The following HS6ST3 variants were observed in gnomAD, a reference collection of about 807,000 sequenced individuals.
The protein encoded by HS6ST3 is heparan-sulfate 6-O-sulfotransferase 3.
In HS6ST3, 12 loss-of-function variants were observed where a neutral mutation model predicts 36.7. The observed-to-expected ratio is 0.33, with a 90% CI of 0.21 to 0.53. The LOEUF (loss-of-function observed/expected upper bound fraction) is 0.53, where lower values mean the gene tolerates loss of function less well. Ranked by LOEUF, HS6ST3 falls within the 20% of genes least tolerant of loss-of-function variation. The pLI, the probability that HS6ST3 is intolerant of heterozygous loss-of-function variation, is 0.95. For missense variants in HS6ST3, 584 were observed against 640.9 expected (o/e 0.91, Z 0.96); for synonymous variants, 240 against 257.5 (o/e 0.93, Z 0.65).
chr13:96,193,541 C>A (rs1200130118), intron 1 of HS6ST3, among the ~76,000 whole-genome samples: 1 of 152,026 alleles, frequency 6.6e-6, no homozygotes, highest in Non-Finnish European at 1.5e-5. Context: ...AGACAGCGAT[C>A]AATTTAAACA....
At chr13:96,397,854 T>TTATGAGG (rs77569813) in intron 1 of HS6ST3, among the ~76,000 whole-genome samples, 76,698 of 151,636 alleles carry the variant, frequency 0.51, 19,690 homozygotes, top group Middle Eastern at 0.6. Flanking sequence ...CACAACAACC[T>TTATGAGG]TATCTAGACC....
At chr13:96,816,203 G>A (rs1438983804) in intron 1 of HS6ST3, among the ~76,000 whole-genome samples, 1 of 152,194 alleles carries the variant, frequency 6.6e-6, no homozygotes, top group East Asian at 1.9e-4. Context: ...TGGAAGGCCA[G>A]ACCTGAAAAC....
intron 1 of HS6ST3, among the ~76,000 whole-genome samples, chr13:96,463,154 A>G (rs1368057299): frequency 6.6e-6 from 1 of 152,172 alleles, no homozygotes; most frequent in East Asian, 1.9e-4. Flanking sequence ...GATTTATTTG[A>G]AAAAAGAAAG....
At chr13:96,517,219 A>T (rs1298239720) in intron 1 of HS6ST3, among the ~76,000 whole-genome samples, 3 of 7,342 alleles carry the variant, frequency 4.1e-4, no homozygotes, top group Admixed American at 3.8e-3. Context: ...GTTCCTATTT[A>T]AAAAAAAAAA....
At chr13:96,680,068 C>G (rs2056712972) in intron 1 of HS6ST3, among the ~76,000 whole-genome samples, 1 of 152,122 alleles carries the variant, frequency 6.6e-6, no homozygotes, top group Non-Finnish European at 1.5e-5. Context: ...CCCATCCATC[C>G]AAGACAGGTT....
At position 96,834,094 on chromosome 13, in the gene HS6ST3, T is replaced by C. The variant is rs1403333577; in HGVS notation, c.*896T>C. Reference sequence around the variant, plus strand: ...TCTAAACTGGCCACATAACCTTAGATTTTTAAAGGAATATTTCAGAGTTTA... The same window carrying C: ...TCTAAACTGGCCACATAACCTTAGACTTTTAAAGGAATATTTCAGAGTTTA... On this transcript the variant is annotated 3_prime_UTR_variant, in exon 2 of 2. Coordinates refer to ENST00000376705, the MANE Select transcript of HS6ST3 (RefSeq NM_153456.4). The C allele has an allele frequency of 1.3e-5, 2 of 152,224 alleles. No homozygotes were observed. The highest frequency in any genetic ancestry group is 4.8e-5 in the African/African-American group (2 of 41,444). 9.4% of individuals were successfully genotyped at this position (152,224 alleles called of 1,614,324 possible). A position where few individuals can be genotyped will look rare whatever the true frequency, so the allele number is the denominator to read the frequency against.
At chr13:96,812,469 C>T (rs1878336762) in intron 1 of HS6ST3, among the ~76,000 whole-genome samples, 1 of 152,148 alleles carries the variant, frequency 6.6e-6, no homozygotes, top group Non-Finnish European at 1.5e-5. Flanking sequence ...TATAAAAACA[C>T]ACCAATGTAG....
intron 1 of HS6ST3, among the ~76,000 whole-genome samples, chr13:96,108,015 G>A (rs374528555): frequency 2.0e-4 from 30 of 152,196 alleles, no homozygotes; most frequent in African/African-American, 7.2e-4. Flanking sequence ...TAACAGCAAT[G>A]TTCAGGGAAC....
chr13:96,253,214 G>A (rs1207766338), intron 1 of HS6ST3, among the ~76,000 whole-genome samples: 1 of 152,034 alleles, frequency 6.6e-6, no homozygotes, highest in Non-Finnish European at 1.5e-5. Flanking sequence ...GAGAACTGCA[G>A]GCCAGTTGCT....
In HS6ST3 at chr13:96,120,777, A is replaced by G. The variant is rs114480565; in HGVS notation, c.707+29208A>G. ...ATTTCTGTGTATGGAGCTTGGCAGAACCGTTATCCGCTCTGACATACAAGA... is the reference window on the plus strand; with the variant it reads ...ATTTCTGTGTATGGAGCTTGGCAGAGCCGTTATCCGCTCTGACATACAAGA... On this transcript the variant is annotated intron_variant, in intron 1 of 1. Transcript: ENST00000376705. Among the ~76,000 whole-genome samples the G allele has an allele frequency of 9.3e-3, 1,412 of 152,316 alleles. 26 individuals are homozygous for G. Among genetic ancestry groups the G allele is most frequent in the African/African-American group, 0.033 (1,354 of 41,560 alleles).
intron 1 of HS6ST3, among the ~76,000 whole-genome samples, chr13:96,360,776 G>A (rs540077147): frequency 4.6e-5 from 7 of 151,810 alleles, no homozygotes; most frequent in South Asian, 4.2e-4. Context: ...GTGAAACCTC[G>A]TCTCTACTAA....
chr13:96,653,309 A>C (rs967636668), intron 1 of HS6ST3, among the ~76,000 whole-genome samples: 3 of 151,992 alleles, frequency 2.0e-5, no homozygotes, highest in African/African-American at 7.2e-5. Context: ...TGTTGCACTT[A>C]TCAACCCGTC....
At chr13:96,578,808 C>G (rs1441106079) in intron 1 of HS6ST3, among the ~76,000 whole-genome samples, 1 of 152,096 alleles carries the variant, frequency 6.6e-6, no homozygotes, top group African/African-American at 2.4e-5. Flanking sequence ...CATGAGCCAC[C>G]GGGCCCGGCC....
chr13:96,785,798 GCACAATTCTGGACATA>G (rs1429407357), intron 1 of HS6ST3, among the ~76,000 whole-genome samples: 1 of 152,156 alleles, frequency 6.6e-6, no homozygotes, highest in Admixed American at 6.5e-5. Flanking sequence ...TATGGAACCT[GCACAATTCTGGACATA>G]CACATATACA....
chr13:96,329,046 A>T (rs1035841094), intron 1 of HS6ST3, among the ~76,000 whole-genome samples: 1 of 147,864 alleles, frequency 6.8e-6, no homozygotes, highest in Non-Finnish European at 1.5e-5. Context: ...ATCATTTTTT[A>T]TTGCATCTAT....
At chr13:96,613,343 A>T (rs543960872) in intron 1 of HS6ST3, among the ~76,000 whole-genome samples, 13 of 152,342 alleles carry the variant, frequency 8.5e-5, no homozygotes, top group African/African-American at 3.1e-4. Flanking sequence ...CAGAGAGGTT[A>T]AATAAATTAC....
intron 1 of HS6ST3, among the ~76,000 whole-genome samples, chr13:96,270,061 G>T (rs1389879960): frequency 6.6e-6 from 1 of 151,928 alleles, no homozygotes. Flanking sequence ...TATCTGTCCA[G>T]TGGTCTAATT....
chr13:96,507,180 C>T (rs989520097), intron 1 of HS6ST3, among the ~76,000 whole-genome samples: 3 of 152,236 alleles, frequency 2.0e-5, no homozygotes, highest in Middle Eastern at 3.4e-3. Flanking sequence ...TGAAGGACAG[C>T]CACACTGCAG....
At chr13:96,197,046 G>A (rs2054317814) in intron 1 of HS6ST3, among the ~76,000 whole-genome samples, 1 of 152,182 alleles carries the variant, frequency 6.6e-6, no homozygotes, top group Non-Finnish European at 1.5e-5. Flanking sequence ...CAGAGGACTG[G>A]CTCATTGTCA....
Sources: allele counts gnomAD v4.1 joint callset (sites outside exome capture counted in the v4.1 genomes callset), GRCh38; gene constraint gnomAD v4.1.1; transcripts MANE v1.5; gene names NCBI Gene and HGNC (gene_info 2026-07-23, HGNC 2026-07-21).